GTF3C4: variants seen among roughly 807,000 people sequenced by gnomAD.
GTF3C4 encodes general transcription factor 3C polypeptide 4.
A neutral mutation model predicts 67.5 loss-of-function variants in GTF3C4; 28 were observed. That is an observed-to-expected ratio of 0.41 (90% CI 0.31 to 0.57). GTF3C4 has a LOEUF of 0.57. Among genes scored for constraint, GTF3C4 ranks in the 20% least tolerant of loss-of-function variants. GTF3C4 has a pLI of 0.21. For synonymous variants in GTF3C4, 409 were observed against 393.0 expected (o/e 1.04, Z -0.48); for missense variants, 831 against 1,033.2 (o/e 0.80, Z 2.68).
rs1835730689 is a variant in GTF3C4 at position 132,671,032 on chromosome 9, C to G, written c.357+77C>G. ...CCGCATCATCCGTCCCAGGGGAATC[C>G]GATCCCACACTCTGTCCGGGGATTT... On this transcript the variant is annotated intron_variant, in intron 1 of 4. Coordinates refer to ENST00000372146, the MANE Select transcript of GTF3C4 (RefSeq NM_012204.4). 7.3e-6 allele frequency: 7 copies of G among 963,730 alleles called. No homozygotes were observed. In the East Asian group the frequency reaches 1.7e-4, roughly 24 times the overall value. 59.7% of individuals were successfully genotyped at this position (963,730 alleles called of 1,614,324 possible).
chr9:132,685,403 A>G (rs1836011250), intron 3 of GTF3C4, among the ~76,000 whole-genome samples: 1 of 152,154 alleles, frequency 6.6e-6, no homozygotes, highest in South Asian at 2.1e-4. Context: ...TTTCTACATC[A>G]CTACAAAGAT....
At chr9:132,675,070 T>A (rs1835844420) in intron 1 of GTF3C4, among the ~76,000 whole-genome samples, 1 of 152,188 alleles carries the variant, frequency 6.6e-6, no homozygotes, top group Non-Finnish European at 1.5e-5. Flanking sequence ...TATTAACAAT[T>A]ATCATAGGTA....
At chr9:132,687,393 A>G in intron 4 of GTF3C4, 66 bp downstream of exon 4, 1 of 864,024 alleles carries the variant, frequency 1.2e-6, no homozygotes, top group Admixed American at 1.8e-5. Flanking sequence ...CCAGCGCCCC[A>G]GAATAACAGT....
At position 132,679,781 on chromosome 9, in the gene GTF3C4, A is replaced by G. The variant is rs1590135380; in HGVS notation, c.2162A>G (p.Glu721Gly). 2.5e-6 allele frequency: 4 copies of G among 1,610,334 alleles called. No homozygotes were observed. The highest frequency in any genetic ancestry group is 2.7e-5 in the African/African-American group (2 of 74,954). ...GLCNFLMSDE[E>G]YDDRTARVLI... ...TGTAACTTTTTAATGTCTGATGAAG[A>G]GTATGATGACAGAACTGCACGGGTA... Residue 721 changes from glutamate (E) to glycine (G), a missense_variant, in exon 2 of 5, where the codon GAG becomes GGG. Glu to Gly is a moderately conservative substitution (Grantham distance 98). This residue lies in a region of GTF3C4 where 129 missense variants were observed against 213.8 expected (regional missense o/e 0.60). Coordinates refer to ENST00000372146, the MANE Select transcript of GTF3C4 (RefSeq NM_012204.4). This position sits in a 1 kb window ranked among gnomAD's most constrained non-coding sequence, Gnocchi z 5.9.
chr9:132,679,046 G>T lies in GTF3C4; in HGVS notation c.1427G>T (p.Arg476Met), dbSNP rs1303849289. The T allele has an allele frequency of 6.2e-7, 1 of 1,614,190 alleles. No individual in the cohort carries two copies. Among genetic ancestry groups the T allele is most frequent in the South Asian group, 1.1e-5 (1 of 91,082 alleles). Residue 476 changes from arginine (R) to methionine (M), a missense_variant, in exon 2 of 5, where the codon AGG (arginine) becomes ATG (methionine). By Grantham distance (91) the Arg-to-Met change is moderately conservative. Transcript: ENST00000372146. The surrounding 1 kb of genome is among the most constrained non-coding windows in gnomAD (Gnocchi z 5.9). The part of the protein sequence containing the change: ...IKLSDVFGSV[R>M]THGIAVSPCG... ...CTCTCAGATGTGTTTGGCTCAGTGA[G>T]GACTCACGGGATAGCAGTGAGCCCC...
chr9:132,691,881 C>T lies in GTF3C4; in HGVS notation c.*2936C>T, dbSNP rs577642285. On this transcript the variant is annotated 3_prime_UTR_variant, in exon 5 of 5. Transcript: ENST00000372146. ...GCTGGACCTACCAGCAAGTTTAACA[C>T]GTTAATTAGGTTAAAAAGAATATTA... 2.6e-5 allele frequency: 4 copies of T among 152,122 alleles called. No individual in the cohort carries two copies. Among genetic ancestry groups the T allele is most frequent in the East Asian group, 1.9e-4 (1 of 5,188 alleles). 9.4% of individuals were successfully genotyped at this position (152,122 alleles called of 1,614,324 possible). A position where few individuals can be genotyped will look rare whatever the true frequency, so the allele number is the denominator to read the frequency against.
chr9:132,677,897 G>T, intron 1 of GTF3C4, 80 bp from the exon 2 acceptor site: 1 of 1,092,966 alleles, frequency 9.1e-7, no homozygotes, highest in South Asian at 1.5e-5. Flanking sequence ...TATGAATAAT[G>T]ACATTCTGAC....
chr9:132,673,549 C>G (rs563076120), intron 1 of GTF3C4, among the ~76,000 whole-genome samples: 1 of 152,094 alleles, frequency 6.6e-6, no homozygotes, highest in African/African-American at 2.4e-5. Flanking sequence ...ACTGGTGTGA[C>G]GGTAGGAATG....
Position 132,670,674 on chromosome 9 carries a change from G to C in GTF3C4, c.76G>C (p.Gly26Arg), listed in dbSNP as rs1377109871. 3 of 1,509,814 alleles carry C rather than the reference G, an allele frequency of 2.0e-6. No individual in the cohort carries two copies. Among genetic ancestry groups the C allele is most frequent in the South Asian group, 1.3e-5 (1 of 79,976 alleles). The allele number at this position is 1,509,814 out of a possible 1,614,324, so 93.5% of individuals were successfully genotyped here. A position where few individuals can be genotyped will look rare whatever the true frequency, so the allele number is the denominator to read the frequency against. The part of the protein sequence containing the change: ...PAPSGEEEGE[G>R]GGEAGGKEPA... ...GCCGTCTGGGGAGGAGGAGGGAGAG[G>C]GGGGCGGCGAGGCGGGCGGGAAGGA... Residue 26 changes from glycine (G) to arginine (R), a missense_variant, in exon 1 of 5, where the codon GGG becomes CGG. Gly to Arg is a moderately radical substitution (Grantham distance 125). This residue lies in a region of GTF3C4 where 237 missense variants were observed against 212.7 expected (regional missense o/e 1.11). Coordinates refer to ENST00000372146, the MANE Select transcript of GTF3C4 (RefSeq NM_012204.4).
intron 4 of GTF3C4, among the ~76,000 whole-genome samples, chr9:132,687,726 T>TG (rs1836053218): frequency 6.6e-6 from 1 of 152,220 alleles, no homozygotes; most frequent in South Asian, 2.1e-4. Context: ...GATATTCACT[T>TG]GGAGTCATTC....
intron 4 of GTF3C4, among the ~76,000 whole-genome samples, chr9:132,687,803 C>T (rs1836054409): frequency 6.6e-6 from 1 of 152,134 alleles, no homozygotes; most frequent in Non-Finnish European, 1.5e-5. Flanking sequence ...GTTCTAATGT[C>T]ATCCGTTTCT....
At position 132,693,225 on chromosome 9, in the gene GTF3C4, G is replaced by A. The variant is rs1021933125; in HGVS notation, c.*4280G>A. On this transcript the variant is annotated 3_prime_UTR_variant, in exon 5 of 5. Coordinates refer to ENST00000372146, the MANE Select transcript of GTF3C4 (RefSeq NM_012204.4). ...ATGGTGCTGTTTTTGAAAACTTGCT[G>A]TGGAAATAAATTTGACAGACGAGTA... is the stretch of plus-strand genomic sequence containing the variant. The A allele has an allele frequency of 5.3e-5, 8 of 152,236 alleles. No individual in the cohort carries two copies. The highest frequency in any genetic ancestry group is 1.9e-4 in the African/African-American group (8 of 41,458). 9.4% of individuals were successfully genotyped at this position (152,236 alleles called of 1,614,324 possible). A position where few individuals can be genotyped will look rare whatever the true frequency, so the allele number is the denominator to read the frequency against.
chr9:132,690,977 T>C lies in GTF3C4; in HGVS notation c.*2032T>C, dbSNP rs1330498451. The C allele has an allele frequency of 6.6e-6, 1 of 152,244 alleles. No individual in the cohort carries two copies. The highest frequency in any genetic ancestry group is 1.9e-4 in the East Asian group (1 of 5,200). 9.4% of individuals were successfully genotyped at this position (152,244 alleles called of 1,614,324 possible). A position where few individuals can be genotyped will look rare whatever the true frequency, so the allele number is the denominator to read the frequency against. The stretch of plus-strand genomic sequence containing the variant: ...AGTTGTGCATTTTTGAGAAAATGTA[T>C]TGGGAGTAACTAGAGAGGATCTCCC... On this transcript the variant is annotated 3_prime_UTR_variant, in exon 5 of 5. Coordinates refer to ENST00000372146, the MANE Select transcript of GTF3C4 (RefSeq NM_012204.4).
Position 132,678,524 on chromosome 9 carries a change from C to T in GTF3C4, c.905C>T (p.Ser302Leu), listed in dbSNP as rs1835896140. ...TTTGTAGGAAAAGAATCCATCTCTT[C>T]ATGCAACACAATTGAGTCAGGAATC... Reference protein sequence around the residue: ...LPFVGKESISSCNTIESGITS... With the variant: ...LPFVGKESISLCNTIESGITS... The change falls in exon 2 of 5, where the codon TCA (serine) becomes TTA (leucine). Residue 302 changes from serine (S) to leucine (L), a missense_variant. This residue lies in a region of GTF3C4 where 390 missense variants were observed against 540.3 expected (regional missense o/e 0.72). Transcript: ENST00000372146. The surrounding 1 kb of genome is among the most constrained non-coding windows in gnomAD (Gnocchi z 6.5). 1 of 1,614,068 alleles carries T rather than the reference C, an allele frequency of 6.2e-7. No individual in the cohort carries two copies. The highest frequency in any genetic ancestry group is 1.3e-5 in the African/African-American group (1 of 74,928).
intron 2 of GTF3C4, among the ~76,000 whole-genome samples, chr9:132,682,824 G>A (rs978544342): frequency 1.3e-5 from 2 of 151,946 alleles, no homozygotes; most frequent in Admixed American, 6.5e-5. Flanking sequence ...ACCTGGTCTC[G>A]AACTCCTGAC....
rs1480518398 is a variant in GTF3C4, at chr9:132,683,582, C to T, written c.2204C>T (p.Ser735Leu). The T allele has an allele frequency of 1.2e-6, 2 of 1,612,256 alleles. No individual in the cohort carries two copies. The highest frequency in any genetic ancestry group is 1.7e-6 in the Non-Finnish European group (2 of 1,179,568). Residue 735 changes from serine (S) to leucine (L), a missense_variant, in exon 3 of 5, where the codon TCA (serine) becomes TTA (leucine). By Grantham distance (145) the Ser-to-Leu change is moderately radical. This residue lies in a region of GTF3C4 where 129 missense variants were observed against 213.8 expected (regional missense o/e 0.60). Transcript: ENST00000372146. ...RTARVLIGHI[S>L]KKMNKQTFPE... is the part of the protein sequence containing the mutation. ...TACTAGGTGCTGATTGGACATATCT[C>T]AAAGAAGATGAACAAACAGACTTTC...
intron 3 of GTF3C4, among the ~76,000 whole-genome samples, chr9:132,684,518 G>A (rs923160358): frequency 1.3e-5 from 2 of 152,122 alleles, no homozygotes; most frequent in African/African-American, 4.8e-5. Flanking sequence ...TGTTTCTGAT[G>A]AGTAAAACTA....
intron 1 of GTF3C4, among the ~76,000 whole-genome samples, chr9:132,677,211 G>A (rs1006078560): frequency 6.6e-6 from 1 of 152,168 alleles, no homozygotes; most frequent in African/African-American, 2.4e-5. Flanking sequence ...AGACCAGCCT[G>A]ACCAACATGG....
chr9:132,687,417 T>A, intron 4 of GTF3C4, 90 bp downstream of exon 4: 1 of 657,536 alleles, frequency 1.5e-6, no homozygotes, highest in Non-Finnish European at 2.8e-6. Context: ...AGTCACGCTC[T>A]ACACTTCTTG....
Sources: gnomAD v4.1 joint callset for allele counts (sites outside exome capture counted in the v4.1 genomes callset) on GRCh38, gnomAD v4.1.1 for gene constraint, gnomAD v4.1.1 regional missense constraint, Gnocchi (gnomAD v3.1) non-coding constraint, MANE v1.5 for transcripts, NCBI Gene and HGNC (gene_info 2026-07-23, HGNC 2026-07-21) for gene names.